The following CHN2 variants were observed in gnomAD, a reference collection of about 807,000 sequenced individuals.
CHN2 encodes beta-chimaerin.
Under a neutral mutation model 56.3 loss-of-function variants are expected in CHN2, and 35 were observed. The ratio of observed to expected loss-of-function variants is 0.62; its 90% confidence interval spans 0.47 to 0.82. CHN2 has a LOEUF of 0.82. Among genes scored for constraint, CHN2 ranks in the 40% least tolerant of loss-of-function variants. The pLI is 0.00. For synonymous variants in CHN2, 210 were observed against 212.8 expected, an observed-to-expected ratio of 0.99 and a Z score of 0.12; for missense variants, 491 against 580.5, an observed-to-expected ratio of 0.85 and a Z score of 1.58.
chr7:29,435,459 A>C (rs1783148944), intron 6 of CHN2, among the ~76,000 whole-genome samples: 1 of 152,204 alleles, frequency 6.6e-6, no homozygotes, highest in Non-Finnish European at 1.5e-5. Flanking sequence ...GTGTACTTAC[A>C]CAAAGTAAGT....
In CHN2 at chr7:29,513,170, AC is replaced by A. The variant is rs1417483919; in HGVS notation, c.*438del. On this transcript the variant is annotated 3_prime_UTR_variant, in exon 13 of 13. Coordinates refer to ENST00000222792, the MANE Select transcript of CHN2 (RefSeq NM_004067.4). ...GTATCGTAAAATGTATTTTTATTTT[AC>A]CCACGAGAATGTTGTTATTTTTAGC... 1 of 156,644 alleles carries A rather than the reference AC, an allele frequency of 6.4e-6. No homozygotes were observed. The highest frequency in any genetic ancestry group is 1.4e-5 in the Non-Finnish European group (1 of 70,510). The allele number at this position is 156,644 out of a possible 1,614,324, so 9.7% of individuals were successfully genotyped here.
chr7:29,328,421 G>GTTC lies in CHN2; in HGVS notation c.50-26204_50-26203insTTC, dbSNP rs879768666. Among the ~76,000 whole-genome samples, 1,259 of 152,214 alleles carry GTTC rather than the reference G, an allele frequency of 8.3e-3. 7 individuals carry two copies. Among genetic ancestry groups the GTTC allele is most frequent in the Middle Eastern group, 0.017 (5 of 294 alleles). On this transcript the variant is annotated intron_variant, in intron 1 of 12. Coordinates refer to ENST00000222792, the MANE Select transcript of CHN2 (RefSeq NM_004067.4). ...AAGATATAACAAGAGCATTTCTTTT[G>GTTC]AGAGTTTAACTTGGGCTGAATTTAT...
chr7:29,317,719 CAT>C (rs1585043791), intron 1 of CHN2, among the ~76,000 whole-genome samples: 2 of 152,138 alleles, frequency 1.3e-5, no homozygotes, highest in East Asian at 3.9e-4. Context: ...ACTCAGGGAA[CAT>C]ATAATTGAAG....
At chr7:29,254,530 G>C (rs1788914328) in intron 1 of CHN2, among the ~76,000 whole-genome samples, 1 of 152,184 alleles carries the variant, frequency 6.6e-6, no homozygotes, top group Non-Finnish European at 1.5e-5. Context: ...GTTAGTTGCA[G>C]ACAACAGAAG....
chr7:29,383,410 A>G (rs1800673953), intron 3 of CHN2, among the ~76,000 whole-genome samples: 1 of 152,024 alleles, frequency 6.6e-6, no homozygotes, highest in Admixed American at 6.6e-5. Context: ...CATGAATACA[A>G]CCTTCCTCTG....
chr7:29,330,331 C>T (rs1223425512), intron 1 of CHN2, among the ~76,000 whole-genome samples: 1 of 152,190 alleles, frequency 6.6e-6, no homozygotes, highest in Non-Finnish European at 1.5e-5. Context: ...CACCGTTGAC[C>T]TTCATCCCAG....
At chr7:29,426,900 T>G (rs1804911009) in intron 6 of CHN2, among the ~76,000 whole-genome samples, 1 of 152,216 alleles carries the variant, frequency 6.6e-6, no homozygotes, top group Non-Finnish European at 1.5e-5. Context: ...GCTCCCATCT[T>G]CCTTCTCACA....
intron 1 of CHN2, among the ~76,000 whole-genome samples, chr7:29,245,419 G>A (rs1403725451): frequency 6.6e-6 from 1 of 152,184 alleles, no homozygotes; most frequent in African/African-American, 2.4e-5. Context: ...AGTATCTTTT[G>A]AATTTGGGCA....
intron 10 of CHN2, among the ~76,000 whole-genome samples, chr7:29,506,689 A>T (rs1164833495): frequency 6.6e-6 from 1 of 152,202 alleles, no homozygotes; most frequent in Non-Finnish European, 1.5e-5. Context: ...CCAAGAGGAA[A>T]GGGTAAAGTT....
chr7:29,255,203 G>A (rs1788973397), intron 1 of CHN2, among the ~76,000 whole-genome samples: 1 of 152,232 alleles, frequency 6.6e-6, no homozygotes, highest in Admixed American at 6.5e-5. Context: ...AGGGAGACCT[G>A]CTTCTGCATT....
chr7:29,233,825 A>ATTTTTT lies in CHN2; in HGVS notation c.49+38856_49+38861dup, dbSNP rs1175429614. Among the ~76,000 whole-genome samples the ATTTTTT allele has an allele frequency of 3.7e-3, 196 of 53,198 alleles. 38 individuals are homozygous for ATTTTTT. Among genetic ancestry groups the ATTTTTT allele is most frequent in the African/African-American group, 0.013 (184 of 14,470 alleles). The allele number at this position is 53,198 out of a possible 152,430, so 34.9% of individuals were successfully genotyped here. On this transcript the variant is annotated intron_variant, in intron 1 of 12. Coordinates refer to ENST00000222792, the MANE Select transcript of CHN2 (RefSeq NM_004067.4). ...AGAATGCAGCCCTGCCAACACCTTG[A>ATTTTTT]TTTTTTTTTTTTTTTTTTTTTTTTT...
At chr7:29,447,857 A>G (rs551606766) in intron 6 of CHN2, among the ~76,000 whole-genome samples, 29 of 152,348 alleles carry the variant, frequency 1.9e-4, no homozygotes, top group African/African-American at 6.7e-4. Context: ...AAACTGATCT[A>G]TTAACAAACA....
chr7:29,398,573 A>G (rs1801950318), intron 5 of CHN2, 87 bp downstream of exon 5: 2 of 810,796 alleles, frequency 2.5e-6, no homozygotes, highest in Admixed American at 2.0e-5. Flanking sequence ...AGCAGAGTAT[A>G]CATAACACAA....
At chr7:29,417,290 C>T (rs1425786402) in intron 6 of CHN2, among the ~76,000 whole-genome samples, 3 of 151,424 alleles carry the variant, frequency 2.0e-5, no homozygotes, top group Non-Finnish European at 4.4e-5. Flanking sequence ...AAGGAATTTT[C>T]CCAGGTTGCT....
At chr7:29,272,141 C>T (rs1200351945) in intron 1 of CHN2, among the ~76,000 whole-genome samples, 9 of 151,504 alleles carry the variant, frequency 5.9e-5, no homozygotes, top group Non-Finnish European at 1.3e-4. Context: ...TTGTAACATG[C>T]TGCCGACTGG....
chr7:29,501,835 GTC>G (rs1583423176), intron 9 of CHN2, among the ~76,000 whole-genome samples: 3 of 152,134 alleles, frequency 2.0e-5, no homozygotes, highest in African/African-American at 4.8e-5. Context: ...ATGTTCATTT[GTC>G]TCTGCGTGAT....
chr7:29,312,895 C>T (rs1397394238), intron 1 of CHN2, among the ~76,000 whole-genome samples: 1 of 151,780 alleles, frequency 6.6e-6, no homozygotes, highest in African/African-American at 2.4e-5. Context: ...TCATTTTTGC[C>T]TCCCCACACT....
At chr7:29,300,017 T>C (rs1441650999) in intron 1 of CHN2, among the ~76,000 whole-genome samples, 2 of 152,058 alleles carry the variant, frequency 1.3e-5, no homozygotes, top group Admixed American at 1.3e-4. Flanking sequence ...GAGTGCAAAT[T>C]AGACTGGGAA....
At chr7:29,220,850 A>G (rs921454507) in intron 1 of CHN2, among the ~76,000 whole-genome samples, 2 of 152,168 alleles carry the variant, frequency 1.3e-5, no homozygotes, top group African/African-American at 4.8e-5. Flanking sequence ...AAAGAAAACC[A>G]CCACCCAGTA....
Sources: gnomAD v4.1 joint callset for allele counts (sites outside exome capture counted in the v4.1 genomes callset) on GRCh38, gnomAD v4.1.1 for gene constraint, MANE v1.5 for transcripts, NCBI Gene and HGNC (gene_info 2026-07-23, HGNC 2026-07-21) for gene names.